Variants in NDUFAF2 observed in about 807,000 individuals in gnomAD.
The protein encoded by NDUFAF2 is NADH dehydrogenase [ubiquinone] 1 alpha subcomplex assembly factor 2.
Under a neutral mutation model 22.8 loss-of-function variants are expected in NDUFAF2, and 13 were observed. The ratio of observed to expected loss-of-function variants is 0.57; its 90% CI spans 0.37 to 0.91. The LOEUF is 0.91. Ranked by LOEUF, NDUFAF2 falls within the 40% of genes least tolerant of loss-of-function variation. NDUFAF2 has a pLI of 0.01. For synonymous variants in NDUFAF2, 53 were observed against 64.2 expected, an observed-to-expected ratio of 0.83 and a Z score of 0.84; for missense variants, 162 against 195.2, an observed-to-expected ratio of 0.83 and a Z score of 1.01.
chr5:61,020,120 A>T (rs1158089285), intron 1 of NDUFAF2, among the ~76,000 whole-genome samples: 1 of 152,040 alleles, frequency 6.6e-6, no homozygotes, highest in Non-Finnish European at 1.5e-5. Context: ...GCATTCTCTT[A>T]TGCTTTTTAC....
At chr5:61,021,596 T>A (rs1302237569) in intron 1 of NDUFAF2, among the ~76,000 whole-genome samples, 24 of 152,214 alleles carry the variant, frequency 1.6e-4, no homozygotes, top group Non-Finnish European at 1.5e-5. Context: ...TTCTGTCTAT[T>A]CACATTATTT....
chr5:61,037,424 T>A (rs554098005), intron 1 of NDUFAF2, among the ~76,000 whole-genome samples: 1 of 152,312 alleles, frequency 6.6e-6, no homozygotes, highest in East Asian at 1.9e-4. Flanking sequence ...AGAGATTTTT[T>A]AAATAATTTG....
intron 1 of NDUFAF2, among the ~76,000 whole-genome samples, chr5:61,065,683 A>G: frequency 6.6e-6 from 1 of 152,130 alleles, no homozygotes; most frequent in Non-Finnish European, 1.5e-5. Context: ...TAGTTATAGA[A>G]GGGAAGTTTC....
chr5:61,094,330 C>T (rs149791670), intron 2 of NDUFAF2, among the ~76,000 whole-genome samples: 1 of 152,328 alleles, frequency 6.6e-6, no homozygotes, highest in East Asian at 1.9e-4. Flanking sequence ...GTTTTCAGCT[C>T]TATCAGGTTG....
At chr5:61,014,428 T>C (rs988758892) in intron 1 of NDUFAF2, among the ~76,000 whole-genome samples, 1 of 152,204 alleles carries the variant, frequency 6.6e-6, no homozygotes, top group African/African-American at 2.4e-5. Context: ...GGCTGTTCAT[T>C]TGTATCCTTT....
At chr5:61,039,156 A>T (rs1016054608) in intron 1 of NDUFAF2, among the ~76,000 whole-genome samples, 3 of 151,918 alleles carry the variant, frequency 2.0e-5, no homozygotes, top group African/African-American at 7.2e-5. Context: ...AAAAAAAAAA[A>T]AAAAAGTCTT....
At chr5:61,101,653 A>G (rs1752706840) in intron 3 of NDUFAF2, among the ~76,000 whole-genome samples, 1 of 152,078 alleles carries the variant, frequency 6.6e-6, no homozygotes, top group Admixed American at 6.6e-5. Context: ...ACCCAACTCC[A>G]AATAAACTTT....
intron 3 of NDUFAF2, among the ~76,000 whole-genome samples, chr5:61,109,958 A>C (rs1403009442): frequency 6.6e-6 from 1 of 152,218 alleles, no homozygotes; most frequent in Non-Finnish European, 1.5e-5. Flanking sequence ...GGTCTGTTGT[A>C]TATGGCTTTT....
intron 3 of NDUFAF2, among the ~76,000 whole-genome samples, chr5:61,106,314 A>G (rs1254975293): frequency 6.6e-6 from 1 of 151,470 alleles, no homozygotes; most frequent in African/African-American, 2.5e-5. Context: ...CAGAAGTTGT[A>G]CTAAGTAGGG....
intron 1 of NDUFAF2, among the ~76,000 whole-genome samples, chr5:61,027,926 T>G (rs7723349): frequency 0.3 from 46,047 of 151,854 alleles, 7,919 homozygotes; most frequent in East Asian, 0.8. Flanking sequence ...GACTGCCATC[T>G]TTGTATCAGA....
chr5:60,950,557 C>T (rs1001381952), intron 1 of NDUFAF2, among the ~76,000 whole-genome samples: 2 of 151,502 alleles, frequency 1.3e-5, no homozygotes, highest in Non-Finnish European at 2.9e-5. Context: ...AACAAAGTTC[C>T]CTGTCTGTAC....
At chr5:61,014,189 G>A (rs1751478266) in intron 1 of NDUFAF2, among the ~76,000 whole-genome samples, 2 of 152,314 alleles carry the variant, frequency 1.3e-5, no homozygotes, top group Middle Eastern at 3.4e-3. Flanking sequence ...GGGGCTGGAC[G>A]TTGAGCTAAT....
At chr5:61,051,241 T>C (rs1752020346) in intron 1 of NDUFAF2, among the ~76,000 whole-genome samples, 2 of 152,160 alleles carry the variant, frequency 1.3e-5, no homozygotes, top group Admixed American at 6.5e-5. Context: ...TCACAGAAAG[T>C]TTCCCATTTC....
At chr5:60,989,214 T>C (rs1751123849) in intron 1 of NDUFAF2, among the ~76,000 whole-genome samples, 1 of 152,058 alleles carries the variant, frequency 6.6e-6, no homozygotes, top group Admixed American at 6.6e-5. Flanking sequence ...CAGCGTGATA[T>C]CTTATATTAG....
At chr5:61,152,631 T>C in intron 3 of NDUFAF2, 73 bp from the exon 4 acceptor site, 2 of 1,072,738 alleles carry the variant, frequency 1.9e-6, no homozygotes, top group South Asian at 1.8e-5. Context: ...TATTTTATTT[T>C]TATTGGCTAT....
chr5:61,079,547 A>G (rs1343733587), intron 2 of NDUFAF2, among the ~76,000 whole-genome samples: 2 of 152,250 alleles, frequency 1.3e-5, no homozygotes, highest in Admixed American at 1.3e-4. Context: ...ATTGCGACGC[A>G]GAATCTCTGG....
At chr5:61,000,723 A>G (rs952367050) in intron 1 of NDUFAF2, among the ~76,000 whole-genome samples, 8 of 152,102 alleles carry the variant, frequency 5.3e-5, no homozygotes, top group Admixed American at 1.3e-4. Context: ...TCCTTTGTCT[A>G]TCAGCCACTT....
chr5:60,996,710 T>TTAA (rs1391492625), intron 1 of NDUFAF2, among the ~76,000 whole-genome samples: 3 of 152,220 alleles, frequency 2.0e-5, no homozygotes, highest in Non-Finnish European at 4.4e-5. Flanking sequence ...AAGTTCAAAC[T>TTAA]GCTGGGATTA....
At position 61,098,975 on chromosome 5, in the gene NDUFAF2, A is replaced by T. The variant is rs115892013; in HGVS notation, c.218-17A>T. 49,083 of 1,590,942 alleles carry T rather than the reference A, an allele frequency of 0.031. 907 individuals carry two copies. The highest frequency in any genetic ancestry group is 0.059 in the Middle Eastern group (353 of 5,956). ...AATTATGGGAAACTGACATTTAAAT[A>T]TTATTTTTCTTTCTAGCTTGGATTA... On this transcript the variant is annotated splice_polypyrimidine_tract_variant and intron_variant, in intron 2 of 3. Coordinates refer to ENST00000296597, the MANE Select transcript of NDUFAF2 (RefSeq NM_174889.5).
Sources: gnomAD v4.1 joint callset for allele counts (sites outside exome capture counted in the v4.1 genomes callset) on GRCh38, gnomAD v4.1.1 for gene constraint, MANE v1.5 for transcripts, NCBI Gene and HGNC (gene_info 2026-07-23, HGNC 2026-07-21) for gene names.